Variants in RTEL1 observed in about 807,000 individuals in gnomAD.
The protein encoded by RTEL1 is regulator of telomere length.
In RTEL1, 86 loss-of-function variants were observed where a neutral mutation model predicts 162.2. The observed-to-expected ratio is 0.53, with a 90% CI of 0.45 to 0.63. The LOEUF (loss-of-function observed/expected upper bound fraction) is 0.63, where lower values mean the gene tolerates loss of function less well. Ranked by LOEUF, RTEL1 falls within the 30% of genes least tolerant of loss-of-function variation. The pLI is 0.00. For synonymous variants in RTEL1, 958 were observed against 717.9 expected (o/e 1.33, Z -5.35); for missense variants, 1,941 against 1,750.2 (o/e 1.11, Z -1.95).
intron 14 of RTEL1, among the ~76,000 whole-genome samples, chr20:63,684,217 C>T (rs1316030238): frequency 6.6e-6 from 1 of 152,164 alleles, no homozygotes; most frequent in African/African-American, 2.4e-5. Flanking sequence ...TTTTTCCCAG[C>T]ACGCCACACC....
At chr20:63,660,492 T>C (rs2089997645) in intron 2 of RTEL1, among the ~76,000 whole-genome samples, 1 of 152,248 alleles carries the variant, frequency 6.6e-6, no homozygotes, top group Non-Finnish European at 1.5e-5. Context: ...TGCACAGCTC[T>C]AGATCCCTTA....
In RTEL1 at chr20:63,674,189, G is replaced by A. The variant is rs115370548; in HGVS notation, c.919+96G>A. 3.8e-4 allele frequency: 572 copies of A among 1,500,914 alleles called. No individual in the cohort carries two copies. In the African/African-American group the frequency reaches 6.1e-3, roughly 16 times the overall value. 93.0% of individuals were successfully genotyped at this position (1,500,914 alleles called of 1,614,324 possible). On this transcript the variant is annotated intron_variant, in intron 10 of 34. Coordinates refer to ENST00000360203, the MANE Select transcript of RTEL1 (RefSeq NM_001283009.2). ...GCACGGACTCCCCCAGCCCAGGTGC[G>A]TTCATAGCCAGGCTGCTTGGTCCTG...
At chr20:63,689,725 G>C in intron 23 of RTEL1, 25 bp from the exon 24 acceptor site, 1 of 1,607,814 alleles carries the variant, frequency 6.2e-7, no homozygotes, top group Non-Finnish European at 8.5e-7. Context: ...GGGAGCCCCC[G>C]TGACCGAGCC....
chr20:63,679,498 G>A (rs1446544817), intron 12 of RTEL1, among the ~76,000 whole-genome samples: 4 of 152,114 alleles, frequency 2.6e-5, no homozygotes, highest in South Asian at 2.1e-4. Context: ...CTCTGACGGC[G>A]GCCCCTGCTC....
Position 63,689,015 on chromosome 20 carries a change from G to C in RTEL1, c.1801-40G>C, listed in dbSNP as rs372941057. The C allele has an allele frequency of 2.5e-4, 387 of 1,567,160 alleles. 7 individuals carry two copies. The South Asian group carries it at 2.5e-3, about 10-fold the overall frequency. On this transcript the variant is annotated intron_variant, in intron 21 of 34. Coordinates refer to ENST00000360203, the MANE Select transcript of RTEL1 (RefSeq NM_001283009.2). ...CCCTCATGGGGGAGGAAGGGGCTGGGGGGGGGCTCCAGGCTCAGCCTCACC... is the reference window on the plus strand; with the variant it reads ...CCCTCATGGGGGAGGAAGGGGCTGGCGGGGGGCTCCAGGCTCAGCCTCACC...
rs1601164606 is a variant in RTEL1, at chr20:63,688,384, C to T, written c.1720C>T (p.Arg574Trp). ...CATGGAGAAGAGCCTGGAGTTCTGG[C>T]GGGTGCGTCTCCCCTGTGTTCTGGG... is the stretch of plus-strand genomic sequence containing the variant. ...PVMEKSLEFW[R>W]ARDLARKMEA... Residue 574 changes from arginine to tryptophan, a missense_variant and splice_region_variant, in exon 20 of 35, where the codon CGG becomes TGG. Physicochemically the swap from Arg to Trp is moderately radical, Grantham distance 101 (BLOSUM62 -3). Transcript: ENST00000360203. 2 of 1,601,994 alleles carry T rather than the reference C, an allele frequency of 1.2e-6. No individual in the cohort carries two copies. The highest frequency in any genetic ancestry group is 1.7e-6 in the Non-Finnish European group (2 of 1,170,880).
At chr20:63,694,304 G>GCCCCCCCCC in intron 30 of RTEL1, 68 bp from the exon 31 acceptor site, 6 of 812,998 alleles carry the variant, frequency 7.4e-6, no homozygotes, top group East Asian at 2.9e-5. Flanking sequence ...AGCCAGCCCT[G>GCCCCCCCCC]CCCCCCCACC....
chr20:63,682,074 G>T (rs965932861), intron 14 of RTEL1: 15 of 985,344 alleles, frequency 1.5e-5, no homozygotes, highest in Non-Finnish European at 1.8e-5. Flanking sequence ...TGGAGGGCAG[G>T]TGTGAGCTGG....
chr20:63,678,117 C>G lies in RTEL1; in HGVS notation c.920-28C>G, dbSNP rs142939143. The G allele has an allele frequency of 1.5e-4, 238 of 1,614,106 alleles. No individual in the cohort carries two copies. The African/African-American group carries it at 2.7e-3, about 19-fold the overall frequency. On this transcript the variant is annotated intron_variant, in intron 10 of 34. Coordinates refer to ENST00000360203, the MANE Select transcript of RTEL1 (RefSeq NM_001283009.2). ...GTTGTTGGCACGAGCGTGATGCAGACTGCCTTTGCTGCCTTTCTCTTGCCC... is the reference window on the plus strand; with the variant it reads ...GTTGTTGGCACGAGCGTGATGCAGAGTGCCTTTGCTGCCTTTCTCTTGCCC...
intron 7 of RTEL1, among the ~76,000 whole-genome samples, chr20:63,666,965 G>A (rs899994166): frequency 1.1e-4 from 16 of 149,892 alleles, no homozygotes; most frequent in Non-Finnish European, 1.8e-4. Flanking sequence ...TCAGCCTCCC[G>A]AGTAGCTGGG....
In RTEL1 at chr20:63,661,130, G is replaced by A. The variant is rs1464570536; in HGVS notation, c.103-168G>A. On this transcript the variant is annotated intron_variant, in intron 2 of 34. Coordinates refer to ENST00000360203, the MANE Select transcript of RTEL1 (RefSeq NM_001283009.2). This position sits in a 1 kb window ranked among gnomAD's most constrained non-coding sequence, Gnocchi z 5.1. ...TTCACGCCCTTTAGGGCAAGAGTGG[G>A]ACTTGCCTGTGGACTTCTCCGCGGT... is the stretch of plus-strand genomic sequence containing the variant. Among the ~76,000 whole-genome samples, 6 of 152,258 alleles carry A rather than the reference G, an allele frequency of 3.9e-5. No individual in the cohort carries two copies. The highest frequency in any genetic ancestry group is 3.3e-4 in the Admixed American group (5 of 15,294).
Position 63,694,409 on chromosome 20 carries a change from G to T in RTEL1, c.3030G>T (p.Thr1010=). The T allele has an allele frequency of 1.2e-6, 2 of 1,610,592 alleles. No homozygotes were observed. Among genetic ancestry groups the T allele is most frequent in the Non-Finnish European group, 1.7e-6 (2 of 1,178,684 alleles). Residue 1010 remains threonine (T), a synonymous_variant, in exon 31 of 35, where the codon ACG becomes ACT. Transcript: ENST00000360203. Reference sequence around the variant, plus strand: ...CGGATCCCAAGCTGACCGTGTCCACGGCTGCAGCCCAGCAGCTGGACCCCC... The same window carrying T: ...CGGATCCCAAGCTGACCGTGTCCACTGCTGCAGCCCAGCAGCTGGACCCCC... ...TAPDPKLTVS[T]AAAQQLDPQE...
chr20:63,663,878 A>G (rs2090070334), intron 6 of RTEL1, among the ~76,000 whole-genome samples: 1 of 152,176 alleles, frequency 6.6e-6, no homozygotes, highest in South Asian at 2.1e-4. Flanking sequence ...CCCCTGGCAG[A>G]GACTGAGCCA....
At chr20:63,667,993 A>G (rs1230623547) in intron 8 of RTEL1, among the ~76,000 whole-genome samples, 15 of 118,282 alleles carry the variant, frequency 1.3e-4, no homozygotes, top group African/African-American at 5.0e-4. Flanking sequence ...TTCCCAGTGC[A>G]TGCCCGGCCC....
Position 63,673,976 on chromosome 20 carries a change from A to G in RTEL1, c.802A>G (p.Thr268Ala), listed in dbSNP as rs115889392. 1.1e-5 allele frequency: 18 copies of G among 1,613,464 alleles called. No homozygotes were observed. The African/African-American group carries it at 2.1e-4, about 19-fold the overall frequency. The change falls in exon 10 of 35, where the codon ACT becomes GCT. Residue 268 changes from threonine (T) to alanine (A), a missense_variant. Coordinates refer to ENST00000360203, the MANE Select transcript of RTEL1 (RefSeq NM_001283009.2). ...TGAAGAATCGGCATCCTTTGACCTGACTCCCCATGACCTGGCTTCAGGACT... is the reference window on the plus strand; with the variant it reads ...TGAAGAATCGGCATCCTTTGACCTGGCTCCCCATGACCTGGCTTCAGGACT... The part of the protein sequence containing the change: ...MCEESASFDL[T>A]PHDLASGLDV...
intron 8 of RTEL1, among the ~76,000 whole-genome samples, chr20:63,672,051 T>C (rs2090253456): frequency 6.7e-6 from 1 of 150,086 alleles, no homozygotes; most frequent in Admixed American, 6.7e-5. Flanking sequence ...CCCCTGCTAA[T>C]TTTTGTATTT....
chr20:63,673,407 CAAAA>C (rs2090284853), intron 9 of RTEL1, among the ~76,000 whole-genome samples: 3 of 151,902 alleles, frequency 2.0e-5, no homozygotes, highest in Non-Finnish European at 4.4e-5. Context: ...AAAATAAAAT[CAAAA>C]AGAATAATTG....
intron 10 of RTEL1, among the ~76,000 whole-genome samples, chr20:63,674,697 C>CA (rs1182281905): frequency 2.0e-3 from 236 of 117,306 alleles, no homozygotes; most frequent in Middle Eastern, 0.013. Flanking sequence ...GAGGCCATCT[C>CA]AAAAAAAAAA....
intron 8 of RTEL1, among the ~76,000 whole-genome samples, chr20:63,670,867 G>C (rs1368665576): frequency 6.6e-6 from 1 of 152,036 alleles, no homozygotes; most frequent in African/African-American, 2.4e-5. Context: ...AGGTTTACCA[G>C]AGTTTTGTTT....
Sources: allele counts gnomAD v4.1 joint callset (sites outside exome capture counted in the v4.1 genomes callset), GRCh38; gene constraint gnomAD v4.1.1; non-coding constraint Gnocchi (gnomAD v3.1); transcripts MANE v1.5; gene names NCBI Gene and HGNC (gene_info 2026-07-23, HGNC 2026-07-21).